The following BAIAP2L2 variants were observed in gnomAD, a reference collection of about 807,000 sequenced individuals.
The protein encoded by BAIAP2L2 is BAR/IMD domain-containing adapter protein 2-like 2.
Under a neutral mutation model 60.4 loss-of-function variants are expected in BAIAP2L2, and 65 were observed. The ratio of observed to expected loss-of-function variants is 1.08; its 90% CI spans 0.88 to 1.32. The LOEUF (loss-of-function observed/expected upper bound fraction) is 1.32, where lower values mean the gene tolerates loss of function less well. BAIAP2L2 is among the 40% of genes most tolerant of loss of function. The pLI is 0.00. For missense variants in BAIAP2L2, 836 were observed against 741.2 expected, an observed-to-expected ratio of 1.13 and a Z score of -1.48; for synonymous variants, 344 against 301.7, an observed-to-expected ratio of 1.14 and a Z score of -1.45.
In BAIAP2L2 at chr22:38,098,339, GCCTA is replaced by G. The variant is rs138193993; in HGVS notation, c.348+68_348+71del. On this transcript the variant is annotated intron_variant, in intron 5 of 13. Transcript: ENST00000381669. ...CAGTGCTCAGCACTGGCCTGTGTGTGCCTACCTGTCAAATGGGAGAGGGGGTCCT... is the reference window on the plus strand; with the variant it reads ...CAGTGCTCAGCACTGGCCTGTGTGTGCCTGTCAAATGGGAGAGGGGGTCCT... The G allele has an allele frequency of 1.3e-3, 2,037 of 1,509,200 alleles. 18 individuals are homozygous for G. The African/African-American group carries it at 0.022, about 17-fold the overall frequency. The allele number at this position is 1,509,200 out of a possible 1,614,324, so 93.5% of individuals were successfully genotyped here. A position where few individuals can be genotyped will look rare whatever the true frequency, so the allele number is the denominator to read the frequency against.
chr22:38,108,369 C>T (rs1354529799), intron 2 of BAIAP2L2, 28 bp from the exon 3 acceptor site: 10 of 1,562,714 alleles, frequency 6.4e-6, no homozygotes, highest in Non-Finnish European at 7.0e-6. Flanking sequence ...CAGGTCTGGT[C>T]CAGCCCTGCC....
chr22:38,103,063 A>G (rs1416243711), intron 4 of BAIAP2L2, among the ~76,000 whole-genome samples: 1 of 151,776 alleles, frequency 6.6e-6, no homozygotes, highest in Non-Finnish European at 1.5e-5. Context: ...AAAAAAAAAA[A>G]AAATTAGCCA....
At chr22:38,108,112 CG>C in intron 3 of BAIAP2L2, 142 bp downstream of exon 3, 1 of 961,462 alleles carries the variant, frequency 1.0e-6, no homozygotes, top group Non-Finnish European at 1.6e-6. Flanking sequence ...GGAGTGGTGG[CG>C]GGGAGCCTGG....
At chr22:38,090,745 A>G (rs1209509871) in intron 7 of BAIAP2L2, 2 of 152,226 alleles carry the variant, frequency 1.3e-5, no homozygotes, top group Admixed American at 1.3e-4. Context: ...TCAAGGTGTC[A>G]CATTCAGTAA....
rs75885161 is a variant in BAIAP2L2, at chr22:38,108,262, C to G, written c.207G>C (p.Gln69His). The G allele has an allele frequency of 1.9e-6, 3 of 1,612,378 alleles. No individual in the cohort carries two copies. The South Asian group carries it at 3.3e-5, about 18-fold the overall frequency. The change falls in exon 3 of 14, where the codon CAG (glutamine) becomes CAC (histidine). Residue 69 changes from glutamine to histidine, a missense_variant. By Grantham distance (24) the Gln-to-His change is conservative. Coordinates refer to ENST00000381669, the MANE Select transcript of BAIAP2L2 (RefSeq NM_025045.6). ...GERALQSPTS[Q>H]ILGEILVQMS... ...GTGGAGGGGGAGCCTCACCCAGAAT[C>G]TGTGAGGTGGGGCTCTGCAGGGCAC...
rs2086041276 is a variant in BAIAP2L2, at chr22:38,085,697, C to T, written c.1503G>A (p.Glu501=). Residue 501 remains glutamate, a synonymous_variant, in exon 13 of 14, where the codon GAG becomes GAA. Coordinates refer to ENST00000381669, the MANE Select transcript of BAIAP2L2 (RefSeq NM_025045.6). ...LMSSEQYPPQ[E]LFPRGTNPFA... is the part of the protein sequence containing the mutation. Reference sequence around the variant, plus strand: ...ATGTGAGGACTCACCTCGGGAAGAGCTCCTGTGGTGGGTACTGCTCTGAGG... The same window carrying T: ...ATGTGAGGACTCACCTCGGGAAGAGTTCCTGTGGTGGGTACTGCTCTGAGG... The T allele has an allele frequency of 1.9e-6, 3 of 1,612,700 alleles. No homozygotes were observed. Among genetic ancestry groups the T allele is most frequent in the Non-Finnish European group, 2.5e-6 (3 of 1,179,670 alleles).
chr22:38,096,917 A>G, intron 7 of BAIAP2L2, 115 bp downstream of exon 7: 2 of 1,242,930 alleles, frequency 1.6e-6, no homozygotes, highest in Non-Finnish European at 2.2e-6. Flanking sequence ...GAATTTCTAC[A>G]GACAGGCAGG....
Position 38,087,197 on chromosome 22 carries a change from C to T in BAIAP2L2, c.1186G>A (p.Val396Met), listed in dbSNP as rs201090429. ...EEGPVNPMTPVTPMTSMTSMS... is the reference protein window; with the variant it reads ...EEGPVNPMTPMTPMTSMTSMS... ...GAGGTCATGGAGGTCATGGGGGTCA[C>T]GGGGGTCATGGGATTCACGGGCCCC... is the stretch of plus-strand genomic sequence containing the variant. The change falls in exon 11 of 14, where the codon GTG becomes ATG. Residue 396 changes from valine (V) to methionine (M), a missense_variant. Val to Met is a conservative substitution (Grantham distance 21). Coordinates refer to ENST00000381669, the MANE Select transcript of BAIAP2L2 (RefSeq NM_025045.6). 2.2e-4 allele frequency: 337 copies of T among 1,534,166 alleles called. 3 individuals are homozygous for T. Among genetic ancestry groups the T allele is most frequent in the South Asian group, 6.2e-4 (53 of 84,826 alleles).
Position 38,089,492 on chromosome 22 carries a change from G to A in BAIAP2L2, c.765+30C>T, listed in dbSNP as rs112286337. On this transcript the variant is annotated intron_variant, in intron 8 of 13. Coordinates refer to ENST00000381669, the MANE Select transcript of BAIAP2L2 (RefSeq NM_025045.6). Reference sequence around the variant, plus strand: ...CCCCCGCGGGGGGCGGCGGGGGCGCGAACGGCGGCGGGGGCGCCCAGGGCC... The same window carrying A: ...CCCCCGCGGGGGGCGGCGGGGGCGCAAACGGCGGCGGGGGCGCCCAGGGCC... 3.1e-4 allele frequency: 370 copies of A among 1,182,200 alleles called. No homozygotes were observed. The African/African-American group carries it at 3.4e-3, about 11-fold the overall frequency. The allele number at this position is 1,182,200 out of a possible 1,614,324, so 73.2% of individuals were successfully genotyped here. A position where few individuals can be genotyped will look rare whatever the true frequency, so the allele number is the denominator to read the frequency against.
intron 4 of BAIAP2L2, among the ~76,000 whole-genome samples, chr22:38,102,640 C>T (rs1038714464): frequency 1.3e-5 from 2 of 152,118 alleles, no homozygotes; most frequent in African/African-American, 4.8e-5. Context: ...TAAAAGTGAT[C>T]CTAGCACTTT....
chr22:38,107,772 CTGGTAGGCTGGGCCCT>C, intron 4 of BAIAP2L2, 64 bp downstream of exon 4: 2 of 1,361,816 alleles, frequency 1.5e-6, no homozygotes, highest in Non-Finnish European at 2.1e-6. Context: ...GGAAGGGCAT[CTGGTAGGCTGGGCCCT>C]CTCCTTGGAA....
At chr22:38,097,864 G>C (rs1291746480) in intron 6 of BAIAP2L2, among the ~76,000 whole-genome samples, 199 bp downstream of exon 6, 1 of 152,144 alleles carries the variant, frequency 6.6e-6, no homozygotes. Flanking sequence ...GGCAAGGGGC[G>C]GTGCTGGGCG....
At chr22:38,097,411 G>T (rs1335779661) in intron 6 of BAIAP2L2, among the ~76,000 whole-genome samples, 1 of 152,220 alleles carries the variant, frequency 6.6e-6, no homozygotes, top group Non-Finnish European at 1.5e-5. Flanking sequence ...AAGCAGGGCT[G>T]CTGTCTGAGC....
intron 7 of BAIAP2L2, among the ~76,000 whole-genome samples, chr22:38,094,834 G>A (rs546807768): frequency 2.0e-5 from 3 of 151,998 alleles, no homozygotes; most frequent in Non-Finnish European, 4.4e-5. Flanking sequence ...CGTGGGAGGC[G>A]TGGGAGGCGT....
intron 7 of BAIAP2L2, chr22:38,090,118 T>TTATTTTTTTA (rs745436945): frequency 2.4e-5 from 3 of 123,170 alleles, no homozygotes; most frequent in African/African-American, 8.7e-5. Flanking sequence ...TTTTTTTTTT[T>TTATTTTTTTA]TTTTTTTTTT....
chr22:38,091,607 T>A (rs1470313972), intron 7 of BAIAP2L2: 1 of 152,136 alleles, frequency 6.6e-6, no homozygotes, highest in African/African-American at 2.4e-5. Flanking sequence ...GGAAAAATTT[T>A]AAAAATATAT....
chr22:38,107,130 A>G (rs1020964354), intron 4 of BAIAP2L2, among the ~76,000 whole-genome samples: 2 of 152,140 alleles, frequency 1.3e-5, no homozygotes, highest in Non-Finnish European at 2.9e-5. Flanking sequence ...TCACAAAACT[A>G]GTCACTGGTG....
In BAIAP2L2 at chr22:38,085,728, A is replaced by C; in HGVS notation, c.1472T>G (p.Leu491Arg). Residue 491 changes from leucine (L) to arginine (R), a missense_variant, in exon 13 of 14, where the codon CTG becomes CGG. Coordinates refer to ENST00000381669, the MANE Select transcript of BAIAP2L2 (RefSeq NM_025045.6). Reference protein sequence around the residue: ...STAVATDVKKLMSSEQYPPQE... With the variant: ...STAVATDVKKRMSSEQYPPQE... ...TGGTGGGTACTGCTCTGAGGACATCAGTTTCTGCAGTGGGGGTGGGGAAGG... is the reference window on the plus strand; with the variant it reads ...TGGTGGGTACTGCTCTGAGGACATCCGTTTCTGCAGTGGGGGTGGGGAAGG... 2 of 1,597,696 alleles carry C rather than the reference A, an allele frequency of 1.3e-6. No homozygotes were observed. The highest frequency in any genetic ancestry group is 1.7e-6 in the Non-Finnish European group (2 of 1,174,152).
chr22:38,095,837 T>C lies in BAIAP2L2; in HGVS notation c.612+1195A>G, dbSNP rs79063969. On this transcript the variant is annotated intron_variant, in intron 7 of 13. Transcript: ENST00000381669. Reference sequence around the variant, plus strand: ...GTCACCACAGGTAGAGAGAAAAAAATAGTGCAATTTCTAAATTAATAAAGG... The same window carrying C: ...GTCACCACAGGTAGAGAGAAAAAAACAGTGCAATTTCTAAATTAATAAAGG... 5.5e-3 allele frequency among the ~76,000 whole-genome samples: 840 copies of C among 152,056 alleles called. 5 individuals carry two copies. Among genetic ancestry groups the C allele is most frequent in the African/African-American group, 0.019 (799 of 41,486 alleles).
Sources: gnomAD v4.1 joint callset for allele counts (sites outside exome capture counted in the v4.1 genomes callset) on GRCh38, gnomAD v4.1.1 for gene constraint, MANE v1.5 for transcripts, NCBI Gene and HGNC (gene_info 2026-07-23, HGNC 2026-07-21) for gene names.